TRPM1: variants seen among roughly 807,000 people sequenced by gnomAD.
The protein encoded by TRPM1 is transient receptor potential cation channel subfamily M member 1, also known as TRPM1-203 APA Isoform, Intron 10.
A neutral mutation model predicts 149.4 loss-of-function variants in TRPM1; 113 were observed. That is an observed-to-expected ratio of 0.76 (90% CI 0.65 to 0.88). The LOEUF is 0.88. TRPM1 is among the 40% of genes least tolerant of loss of function. TRPM1 has a pLI of 0.00. For missense variants in TRPM1, 1,976 were observed against 2,038.7 expected (o/e 0.97, Z 0.59); for synonymous variants, 741 against 759.5 (o/e 0.98, Z 0.40).
intron 11 of TRPM1, among the ~76,000 whole-genome samples, chr15:31,059,683 AG>A (rs1199258575): frequency 6.6e-6 from 1 of 152,198 alleles, no homozygotes; most frequent in East Asian, 1.9e-4. Flanking sequence ...CTGGAATTAC[AG>A]GTGTGAGCCA....
Position 31,067,883 on chromosome 15 carries a change from G to A in TRPM1, c.489C>T (p.Ser163=), listed in dbSNP as rs1022779277. The A allele has an allele frequency of 1.2e-6, 2 of 1,612,684 alleles. No individual in the cohort carries two copies. The highest frequency in any genetic ancestry group is 8.5e-7 in the Non-Finnish European group (1 of 1,179,906). The stretch of plus-strand genomic sequence containing the variant: ...AGGGAAAGGGCCTGCTCTTACCTGT[G>A]CTGACACCCCCGGTGAAGATCCAGG... ...TGAWIFTGGV[S]TGVISHVGDA... is the part of the protein sequence containing the mutation. The change falls in exon 5 of 28, where the codon AGC becomes AGT. Residue 163 remains serine, a synonymous_variant. Transcript: ENST00000256552.
At chr15:31,065,898 A>G (rs771605064) in intron 7 of TRPM1, among the ~76,000 whole-genome samples, 178 bp downstream of exon 7, 1 of 152,220 alleles carries the variant, frequency 6.6e-6, no homozygotes, top group Non-Finnish European at 1.5e-5. Context: ...CATGTAGCCC[A>G]GTGAATGTGA....
chr15:31,121,720 T>G (rs1270277817), intron 1 of TRPM1, among the ~76,000 whole-genome samples: 2 of 152,204 alleles, frequency 1.3e-5, no homozygotes, highest in African/African-American at 4.8e-5. Context: ...GATGTTTCAC[T>G]GGTGAATTAT....
chr15:31,070,320 CCCAAACAGGAG>C lies in TRPM1; in HGVS notation c.84-105_84-95del. The C allele has an allele frequency of 3.2e-6, 4 of 1,242,648 alleles. No individual in the cohort carries two copies. The East Asian group carries it at 6.9e-5, about 22-fold the overall frequency. 77.0% of individuals were successfully genotyped at this position (1,242,648 alleles called of 1,614,324 possible). On this transcript the variant is annotated intron_variant, in intron 3 of 27. Coordinates refer to ENST00000256552, the MANE Select transcript of TRPM1 (RefSeq NM_001252024.2). ...AATTAACCTCAACAGGTGAGTTGGG[CCCAAACAGGAG>C]CCTACTAACACTTCAGTAAGCCAGC...
intron 1 of TRPM1, among the ~76,000 whole-genome samples, chr15:31,157,660 G>T (rs545073725): frequency 6.6e-6 from 1 of 152,136 alleles, no homozygotes; most frequent in East Asian, 1.9e-4. Context: ...CAAGCAGCAG[G>T]CTGCTGAGGG....
At chr15:31,118,893 G>T (rs376764975) in intron 1 of TRPM1, among the ~76,000 whole-genome samples, 1 of 96,418 alleles carries the variant, frequency 1.0e-5, no homozygotes, top group Non-Finnish European at 2.2e-5. Context: ...TTCAACACAT[G>T]AATTTGATGG....
Position 31,032,791 on chromosome 15 carries a change from C to T in TRPM1, c.2850G>A (p.Arg950=), listed in dbSNP as rs750261380. Residue 950 remains arginine (R), a synonymous_variant, in exon 22 of 28, where the codon CGG becomes CGA. Coordinates refer to ENST00000256552, the MANE Select transcript of TRPM1 (RefSeq NM_001252024.2). ...AGATGATATCCACACAGTAGATCAC[C>T]CGGCCATAGCCCATGTAGGGCTGGT... ...LQNQPYMGYG[R]VIYCVDIIFW... is the part of the protein sequence containing the mutation. The T allele has an allele frequency of 3.7e-6, 6 of 1,614,062 alleles. No homozygotes were observed. The highest frequency in any genetic ancestry group is 1.6e-4 in the Middle Eastern group (1 of 6,084).
rs534203850 is a variant in TRPM1 at position 31,044,277 on chromosome 15, T to C, written c.1794+1927A>G. Among the ~76,000 whole-genome samples, 4 of 152,196 alleles carry C rather than the reference T, an allele frequency of 2.6e-5. No homozygotes were observed. In the South Asian group the frequency reaches 6.2e-4, roughly 24 times the overall value. The stretch of plus-strand genomic sequence containing the variant: ...ATAGGAATACAGTGAAGATGGAAAA[T>C]GAGTGAATTTTCCTTTCAAACTGAG... On this transcript the variant is annotated intron_variant, in intron 16 of 27. Transcript: ENST00000256552.
At chr15:31,046,384 G>T in intron 15 of TRPM1, 151 bp from the exon 16 acceptor site, 1 of 780,390 alleles carries the variant, frequency 1.3e-6, no homozygotes, top group South Asian at 1.6e-5. Context: ...AGGAAAAGAA[G>T]TGCTTTAATA....
Position 31,002,477 on chromosome 15 carries a change from A to C in TRPM1, c.4223T>G (p.Val1408Gly), listed in dbSNP as rs2031816045. ...TISPSLNKTDVIHGQDKSDVQ... is the reference protein window; with the variant it reads ...TISPSLNKTDGIHGQDKSDVQ... ...ATCTGATTTGTCCTGTCCATGTATC[A>C]CATCTGTTTTATTTAAACTTGGGGA... is the stretch of plus-strand genomic sequence containing the variant. Residue 1408 changes from valine to glycine, a missense_variant, in exon 28 of 28, where the codon GTG (valine) becomes GGG (glycine). Physicochemically the swap from Val to Gly is moderately radical, Grantham distance 109. Around this residue, in one of 3 missense-constraint regions of TRPM1, gnomAD observed 572 missense variants for 578.9 expected, o/e 0.99. Coordinates refer to ENST00000256552, the MANE Select transcript of TRPM1 (RefSeq NM_001252024.2). 3.7e-6 allele frequency: 6 copies of C among 1,614,090 alleles called. No individual in the cohort carries two copies. The highest frequency in any genetic ancestry group is 1.3e-5 in the African/African-American group (1 of 74,920).
chr15:31,042,383 A>G, intron 16 of TRPM1, 140 bp from the exon 17 acceptor site: 4 of 857,564 alleles, frequency 4.7e-6, no homozygotes, highest in Admixed American at 5.0e-5. Context: ...TCCACTCCGC[A>G]TATGAATTCT....
intron 1 of TRPM1, among the ~76,000 whole-genome samples, chr15:31,119,335 G>A (rs980736013): frequency 6.6e-6 from 1 of 151,954 alleles, no homozygotes; most frequent in Non-Finnish European, 1.5e-5. Context: ...AACCATTAAG[G>A]CAAGAAGAAA....
intron 1 of TRPM1, among the ~76,000 whole-genome samples, chr15:31,155,901 TAAAG>T (rs1223075345): frequency 6.6e-6 from 1 of 152,008 alleles, no homozygotes; most frequent in Non-Finnish European, 1.5e-5. Flanking sequence ...ACATGACAGA[TAAAG>T]AAGGAAATCG....
intron 22 of TRPM1, among the ~76,000 whole-genome samples, chr15:31,032,209 T>G (rs541209918): frequency 6.6e-6 from 1 of 152,134 alleles, no homozygotes; most frequent in South Asian, 2.1e-4. Context: ...CCTGGGAAAG[T>G]GAAGTAAGCT....
At chr15:31,053,940 A>G (rs1437161148) in intron 11 of TRPM1, among the ~76,000 whole-genome samples, 2 of 152,218 alleles carry the variant, frequency 1.3e-5, no homozygotes, top group Non-Finnish European at 2.9e-5. Flanking sequence ...TACAACACGG[A>G]TGAACCTTGA....
At chr15:31,145,585 G>A (rs1054698485) in intron 1 of TRPM1, among the ~76,000 whole-genome samples, 4 of 152,152 alleles carry the variant, frequency 2.6e-5, no homozygotes, top group African/African-American at 9.7e-5. Flanking sequence ...TTTTCCAGAG[G>A]TAGCACTCTC....
intron 18 of TRPM1, among the ~76,000 whole-genome samples, 158 bp from the exon 19 acceptor site, chr15:31,038,324 A>G (rs923558722): frequency 7.2e-5 from 11 of 152,246 alleles, no homozygotes; most frequent in African/African-American, 2.7e-4. Flanking sequence ...TGCTTGGTAA[A>G]TTAGTAGAAT....
chr15:31,101,042 C>T (rs2035503800), intron 1 of TRPM1, among the ~76,000 whole-genome samples: 1 of 152,220 alleles, frequency 6.6e-6, no homozygotes, highest in Admixed American at 6.5e-5. Context: ...TGATCCTGTT[C>T]CGTGTAACCA....
chr15:31,027,190 C>G, intron 25 of TRPM1, 73 bp from the exon 26 acceptor site: 3 of 1,436,788 alleles, frequency 2.1e-6, no homozygotes, highest in Non-Finnish European at 2.9e-6. Flanking sequence ...GTCAAAGTTA[C>G]TCACATTTAA....
Sources: gnomAD v4.1 joint callset for allele counts (sites outside exome capture counted in the v4.1 genomes callset) on GRCh38, gnomAD v4.1.1 for gene constraint, gnomAD v4.1.1 regional missense constraint, MANE v1.5 for transcripts, NCBI Gene and HGNC (gene_info 2026-07-23, HGNC 2026-07-21) for gene names.